LRRC8B: variants seen among roughly 807,000 people sequenced by gnomAD.
The protein encoded by LRRC8B is leucine rich repeat containing 8 VRAC subunit B.
A neutral mutation model predicts 58.8 loss-of-function variants in LRRC8B; 23 were observed. The ratio of observed to expected loss-of-function variants is 0.39; its 90% CI spans 0.28 to 0.55. LRRC8B has a LOEUF of 0.55. LRRC8B is among the 20% of genes least tolerant of loss of function. The pLI, the probability that LRRC8B is intolerant of heterozygous loss-of-function variation, is 0.62. For synonymous variants in LRRC8B, 359 were observed against 374.1 expected (o/e 0.96, Z 0.47); for missense variants, 694 against 936.0 (o/e 0.74, Z 3.37).
At chr1:89,546,754 G>A (rs1044169743) in intron 1 of LRRC8B, among the ~76,000 whole-genome samples, 1 of 152,188 alleles carries the variant, frequency 6.6e-6, no homozygotes, top group African/African-American at 2.4e-5. Flanking sequence ...AGCCCTCAGT[G>A]TAGCTTTCTG....
At chr1:89,571,830 A>G (rs781168101) in intron 3 of LRRC8B, among the ~76,000 whole-genome samples, 7 of 151,514 alleles carry the variant, frequency 4.6e-5, no homozygotes, top group Non-Finnish European at 7.4e-5. Context: ...TTATGTGATC[A>G]ATTTTAGAGT....
rs189445213 is a variant in LRRC8B, at chr1:89,541,439, C to T, written c.-241+16417C>T. Among the ~76,000 whole-genome samples the T allele has an allele frequency of 6.8e-3, 1,031 of 152,096 alleles. 10 individuals are homozygous for T. The highest frequency in any genetic ancestry group is 0.014 in the South Asian group (68 of 4,816). On this transcript the variant is annotated intron_variant, in intron 1 of 5. Transcript: ENST00000330947. ...AAAAAGCTGGCTTTCTGGCCGGGCG[C>T]GGTGGCTCACGCCTGTAATCCCAGC...
chr1:89,582,821 A>G lies in LRRC8B; in HGVS notation c.171A>G (p.Pro57=), dbSNP rs1485014957. The G allele has an allele frequency of 6.8e-6, 11 of 1,614,068 alleles. No homozygotes were observed. Among genetic ancestry groups the G allele is most frequent in the Non-Finnish European group, 9.3e-6 (11 of 1,180,034 alleles). The change falls in exon 5 of 6, where the codon CCA becomes CCG. Residue 57 remains proline (P), a synonymous_variant. Transcript: ENST00000330947. The stretch of plus-strand genomic sequence containing the variant: ...AGAGCAGGGTTCTGTGCTGTCTTCC[A>G]TGCAAAGTGGAATTTGACAATCACT... The part of the protein sequence containing the change: ...LTQSRVLCCL[P]CKVEFDNHCA...
chr1:89,551,071 G>T (rs959383160), intron 1 of LRRC8B, among the ~76,000 whole-genome samples: 1 of 152,080 alleles, frequency 6.6e-6, no homozygotes, highest in African/African-American at 2.4e-5. Flanking sequence ...CTCTGGCCGT[G>T]AAGATCCTCT....
intron 4 of LRRC8B, 70 bp downstream of exon 4, chr1:89,579,758 C>G (rs550445055): frequency 6.6e-6 from 1 of 152,628 alleles, no homozygotes; most frequent in East Asian, 1.9e-4. Context: ...TAAATATTCA[C>G]TCTGTCAAAT....
chr1:89,577,879 G>A (rs1448495072), intron 3 of LRRC8B, among the ~76,000 whole-genome samples: 1 of 151,318 alleles, frequency 6.6e-6, no homozygotes, highest in Non-Finnish European at 1.5e-5. Context: ...AGTTGGGAAA[G>A]AGCGCTAATT....
chr1:89,538,083 C>A (rs540664354), intron 1 of LRRC8B, among the ~76,000 whole-genome samples: 1 of 152,304 alleles, frequency 6.6e-6, no homozygotes, highest in East Asian at 1.9e-4. Context: ...CCTGTTTACT[C>A]TGAAAGAAAC....
At chr1:89,553,712 G>GTTTAAT (rs1173309408) in intron 1 of LRRC8B, among the ~76,000 whole-genome samples, 1 of 152,062 alleles carries the variant, frequency 6.6e-6, no homozygotes, top group Non-Finnish European at 1.5e-5. Flanking sequence ...AAATCTGAAA[G>GTTTAAT]TTTAATTTTT....
chr1:89,585,079 A>G (rs1261565630), intron 5 of LRRC8B, among the ~76,000 whole-genome samples: 2 of 152,236 alleles, frequency 1.3e-5, no homozygotes, highest in Admixed American at 1.3e-4. Context: ...AAACATCACA[A>G]AGTATTTTAA....
intron 1 of LRRC8B, among the ~76,000 whole-genome samples, chr1:89,539,404 G>A (rs1650784025): frequency 1.3e-5 from 2 of 152,162 alleles, no homozygotes; most frequent in South Asian, 4.1e-4. Context: ...AGAGATCTAG[G>A]ATTTTCAGGC....
intron 5 of LRRC8B, among the ~76,000 whole-genome samples, chr1:89,589,354 A>G (rs1474730198): frequency 1.3e-5 from 2 of 152,194 alleles, no homozygotes; most frequent in African/African-American, 2.4e-5. Flanking sequence ...CACATGGGGT[A>G]CAGTGGTATA....
At chr1:89,541,969 A>G (rs1651032410) in intron 1 of LRRC8B, among the ~76,000 whole-genome samples, 1 of 152,164 alleles carries the variant, frequency 6.6e-6, no homozygotes, top group African/African-American at 2.4e-5. Context: ...TGTACAAATT[A>G]TATTATTTAA....
rs1412484637 is a variant in LRRC8B, at chr1:89,560,831, A to G, written c.-240-7416A>G. Among the ~76,000 whole-genome samples, 15 of 151,960 alleles carry G rather than the reference A, an allele frequency of 9.9e-5. 1 individual carries two copies. Among genetic ancestry groups the G allele is most frequent in the African/African-American group, 3.6e-4 (15 of 41,450 alleles). ...TTCCAAGTCTTTGCTATTGTGAATA[A>G]TGCCGCAATAAACATACGTGTGCAT... On this transcript the variant is annotated intron_variant, in intron 1 of 5. Transcript: ENST00000330947.
chr1:89,544,345 T>C (rs1421626536), intron 1 of LRRC8B, among the ~76,000 whole-genome samples: 1 of 152,188 alleles, frequency 6.6e-6, no homozygotes, highest in East Asian at 1.9e-4. Flanking sequence ...GAGATTCTGG[T>C]TTGGGTGCTT....
At chr1:89,560,524 T>TTCCCCC (rs1652556065) in intron 1 of LRRC8B, among the ~76,000 whole-genome samples, 6 of 151,398 alleles carry the variant, frequency 4.0e-5, no homozygotes, top group Non-Finnish European at 1.5e-5. Flanking sequence ...CTCCCAATGC[T>TTCCCCC]ATCCCTCCCC....
chr1:89,587,134 TGAG>T (rs1391823687), intron 5 of LRRC8B, among the ~76,000 whole-genome samples: 1 of 152,150 alleles, frequency 6.6e-6, no homozygotes, highest in Admixed American at 6.5e-5. Context: ...AATGAGCACT[TGAG>T]GAGGGAAAAG....
intron 1 of LRRC8B, among the ~76,000 whole-genome samples, chr1:89,543,923 G>A (rs1570573474): frequency 6.6e-6 from 1 of 152,024 alleles, no homozygotes; most frequent in Non-Finnish European, 1.5e-5. Flanking sequence ...GAGTAGCTGG[G>A]ACCACAGTTG....
intron 3 of LRRC8B, among the ~76,000 whole-genome samples, chr1:89,576,170 A>G (rs1653833254): frequency 6.6e-6 from 1 of 152,188 alleles, no homozygotes; most frequent in Non-Finnish European, 1.5e-5. Flanking sequence ...TCCATCCTGC[A>G]TCTCTCCATA....
chr1:89,550,209 C>G (rs1287759394), intron 1 of LRRC8B, among the ~76,000 whole-genome samples: 1 of 152,122 alleles, frequency 6.6e-6, no homozygotes, highest in Non-Finnish European at 1.5e-5. Flanking sequence ...TGCTTCTATC[C>G]CCTCTTCTCT....
Sources: gnomAD v4.1 joint callset for allele counts (sites outside exome capture counted in the v4.1 genomes callset) on GRCh38, gnomAD v4.1.1 for gene constraint, MANE v1.5 for transcripts, NCBI Gene and HGNC (gene_info 2026-07-23, HGNC 2026-07-21) for gene names.